Variants in KIF26B observed in about 807,000 individuals in gnomAD.
KIF26B encodes the protein kinesin-like protein KIF26B.
KIF26B carries 63 observed loss-of-function variants against 151.2 expected under a neutral mutation model. That is an observed-to-expected ratio of 0.42 (90% CI 0.34 to 0.51). The LOEUF (loss-of-function observed/expected upper bound fraction) is 0.51, where lower values mean the gene tolerates loss of function less well. Among genes scored for constraint, KIF26B ranks in the 20% least tolerant of loss-of-function variants. KIF26B has a pLI of 0.07. For missense variants in KIF26B, 2,813 were observed against 2,913.6 expected (o/e 0.97, Z 0.79); for synonymous variants, 1,357 against 1,262.1 (o/e 1.08, Z -1.59).
At chr1:245,491,138 CT>C (rs71563753) in intron 4 of KIF26B, among the ~76,000 whole-genome samples, 20 of 148,378 alleles carry the variant, frequency 1.3e-4, no homozygotes, top group Middle Eastern at 3.5e-3. Context: ...TTTGTTTATT[CT>C]TTTTTTTTTA....
chr1:245,318,885 GA>G lies in KIF26B; in HGVS notation c.466-47940del, dbSNP rs5782334. On this transcript the variant is annotated intron_variant, in intron 2 of 14. Transcript: ENST00000407071. This position sits in a 1 kb window ranked among gnomAD's most constrained non-coding sequence, Gnocchi z 4.0. The stretch of plus-strand genomic sequence containing the variant: ...ATCAGCCTGAGCCAAGATTGATGAG[GA>G]AAAAAAAACAAAAACCAAAATCTAC... Among the ~76,000 whole-genome samples the G allele has an allele frequency of 6.6e-6, 1 of 150,552 alleles. No homozygotes were observed. The highest frequency in any genetic ancestry group is 1.5e-5 in the Non-Finnish European group (1 of 67,626).
At position 245,540,167 on chromosome 1, in the gene KIF26B, T is replaced by C. The variant is rs966885094; in HGVS notation, c.1167-600T>C. ...CCTCCCTGCACAATATCCTCTTATC[T>C]ACGTAAGCAGCCCATAGCCTCAGCG... On this transcript the variant is annotated intron_variant, in intron 4 of 14. Coordinates refer to ENST00000407071, the MANE Select transcript of KIF26B (RefSeq NM_018012.4). This position sits in a 1 kb window ranked among gnomAD's most constrained non-coding sequence, Gnocchi z 4.6. Among the ~76,000 whole-genome samples the C allele has an allele frequency of 4.6e-5, 7 of 152,274 alleles. No homozygotes were observed. Among genetic ancestry groups the C allele is most frequent in the Non-Finnish European group, 1.0e-4 (7 of 68,010 alleles).
chr1:245,682,194 G>A (rs2044448689), intron 10 of KIF26B, among the ~76,000 whole-genome samples: 5 of 152,270 alleles, frequency 3.3e-5, no homozygotes, highest in South Asian at 2.1e-4. Context: ...GCAGTGAGCC[G>A]AGATCGTGCC....
At chr1:245,378,571 A>G (rs1673329710) in intron 3 of KIF26B, among the ~76,000 whole-genome samples, 1 of 152,216 alleles carries the variant, frequency 6.6e-6, no homozygotes, top group Non-Finnish European at 1.5e-5. Flanking sequence ...TTGTTCCCTC[A>G]GGCTGAATTT....
At chr1:245,313,314 G>C (rs1294316407) in intron 2 of KIF26B, among the ~76,000 whole-genome samples, 1 of 152,222 alleles carries the variant, frequency 6.6e-6, no homozygotes, top group Non-Finnish European at 1.5e-5. Flanking sequence ...TCACTCTCCA[G>C]GGAAGATCTC....
rs112274936 is a variant in KIF26B, at chr1:245,514,245, G to T, written c.1167-26522G>T. On this transcript the variant is annotated intron_variant, in intron 4 of 14. Coordinates refer to ENST00000407071, the MANE Select transcript of KIF26B (RefSeq NM_018012.4). Reference sequence around the variant, plus strand: ...TTGTCAGTTAAAAAATAAAAAATAAGTCCAGGCGCAGTGGCTCACACCTGT... The same window carrying T: ...TTGTCAGTTAAAAAATAAAAAATAATTCCAGGCGCAGTGGCTCACACCTGT... Among the ~76,000 whole-genome samples, 188 of 152,186 alleles carry T rather than the reference G, an allele frequency of 1.2e-3. 1 individual carries two copies. The highest frequency in any genetic ancestry group is 4.2e-3 in the African/African-American group (175 of 41,534).
In KIF26B at chr1:245,358,381, G is replaced by A. The variant is rs895803575; in HGVS notation, c.466-8453G>A. ...TAAAAATACAAAATATTAGCCAGGC[G>A]TGGTGATGGGTGCCTGTAGTCCCAG... On this transcript the variant is annotated intron_variant, in intron 2 of 14. Coordinates refer to ENST00000407071, the MANE Select transcript of KIF26B (RefSeq NM_018012.4). The surrounding 1 kb of genome is among the most constrained non-coding windows in gnomAD (Gnocchi z 4.1). Among the ~76,000 whole-genome samples, 8 of 152,134 alleles carry A rather than the reference G, an allele frequency of 5.3e-5. No individual in the cohort carries two copies. Among genetic ancestry groups the A allele is most frequent in the African/African-American group, 7.2e-5 (3 of 41,446 alleles).
intron 10 of KIF26B, among the ~76,000 whole-genome samples, chr1:245,677,583 C>T (rs1020856789): frequency 6.6e-6 from 1 of 152,238 alleles, no homozygotes; most frequent in Non-Finnish European, 1.5e-5. Context: ...TTCTCTAGTA[C>T]CCCAAAGCAA....
intron 2 of KIF26B, among the ~76,000 whole-genome samples, chr1:245,236,855 G>A (rs1017233707): frequency 6.6e-6 from 1 of 152,370 alleles, no homozygotes; most frequent in East Asian, 1.9e-4. Context: ...GTGGCATGCA[G>A]TAGGTGCCTA....
intron 4 of KIF26B, among the ~76,000 whole-genome samples, chr1:245,443,576 T>TGCGGTCATCTCCCTCACCGTTCACCTAGA (rs1659171639): frequency 9.8e-6 from 1 of 101,844 alleles, no homozygotes; most frequent in Non-Finnish European, 2.1e-5. Context: ...CTGTTCACCC[T>TGCGGTCATCTCCCTCACCGTTCACCTAGA]GCGGTCATCT....
intron 10 of KIF26B, among the ~76,000 whole-genome samples, chr1:245,675,808 T>C (rs2044350594): frequency 6.6e-6 from 1 of 152,102 alleles, no homozygotes; most frequent in African/African-American, 2.4e-5. Flanking sequence ...GTCTTTAAAG[T>C]GTGAGGGGCC....
At chr1:245,169,362 T>TGTGC (rs879260509) in intron 2 of KIF26B, among the ~76,000 whole-genome samples, 63 of 151,090 alleles carry the variant, frequency 4.2e-4, no homozygotes, top group African/African-American at 1.0e-3. Context: ...TGTGTGTGTG[T>TGTGC]GCGCGCAAGC....
intron 3 of KIF26B, among the ~76,000 whole-genome samples, chr1:245,402,187 T>C (rs889418072): frequency 3.9e-5 from 6 of 152,330 alleles, no homozygotes; most frequent in Admixed American, 1.3e-4. Flanking sequence ...AAGGCTTGCA[T>C]AGCTAGTATT....
At chr1:245,582,118 A>G (rs567182564) in intron 5 of KIF26B, among the ~76,000 whole-genome samples, 1 of 152,300 alleles carries the variant, frequency 6.6e-6, no homozygotes, top group African/African-American at 2.4e-5. Flanking sequence ...TGGAAGTCCC[A>G]TCCGTCAGAC....
At position 245,688,504 on chromosome 1, in the gene KIF26B, C is replaced by A. The variant is rs1489813284; in HGVS notation, c.5521C>A (p.Pro1841Thr). 4.0e-6 allele frequency: 6 copies of A among 1,488,934 alleles called. No homozygotes were observed. In the Middle Eastern group the frequency reaches 6.8e-4, roughly 168 times the overall value. The allele number at this position is 1,488,934 out of a possible 1,614,324, so 92.2% of individuals were successfully genotyped here. A position where few individuals can be genotyped will look rare whatever the true frequency, so the allele number is the denominator to read the frequency against. Residue 1841 changes from proline (P) to threonine (T), a missense_variant, in exon 12 of 15, where the codon CCC (proline) becomes ACC (threonine). Around this residue, in one of 3 missense-constraint regions of KIF26B, gnomAD observed 2,060 missense variants for 2,088.6 expected, o/e 0.99. Transcript: ENST00000407071. ...CGGGGGGGCCCTGGCCGAGGACGAG[C>A]CCGCGGCCGCGCACCTGCTCCCGTC... Reference protein sequence around the residue: ...ARGGALAEDEPAAAHLLPSPY... With the variant: ...ARGGALAEDETAAAHLLPSPY...
intron 4 of KIF26B, among the ~76,000 whole-genome samples, chr1:245,440,832 C>A (rs1247875461): frequency 6.6e-6 from 1 of 152,206 alleles, no homozygotes; most frequent in Non-Finnish European, 1.5e-5. Context: ...GCCCCTTGGG[C>A]AAGTCCAGAT....
intron 12 of KIF26B, among the ~76,000 whole-genome samples, chr1:245,690,162 CT>C (rs2044605876): frequency 6.6e-6 from 1 of 152,200 alleles, no homozygotes; most frequent in Non-Finnish European, 1.5e-5. Flanking sequence ...GAAATTACCC[CT>C]GCTCATCCTT....
chr1:245,238,058 C>G (rs1670146966), intron 2 of KIF26B, among the ~76,000 whole-genome samples: 1 of 148,006 alleles, frequency 6.8e-6, no homozygotes, highest in Non-Finnish European at 1.5e-5. Flanking sequence ...TTTGGCCAGG[C>G]ATGCTGGCTC....
chr1:245,303,372 G>C (rs979291426), intron 2 of KIF26B, among the ~76,000 whole-genome samples: 2 of 150,448 alleles, frequency 1.3e-5, no homozygotes, highest in African/African-American at 2.5e-5. Flanking sequence ...CTAATTTTTT[G>C]TATTTTTAGT....
Sources: allele counts gnomAD v4.1 joint callset (sites outside exome capture counted in the v4.1 genomes callset), GRCh38; gene constraint gnomAD v4.1.1; regional missense constraint gnomAD v4.1.1; non-coding constraint Gnocchi (gnomAD v3.1); transcripts MANE v1.5; gene names NCBI Gene and HGNC (gene_info 2026-07-23, HGNC 2026-07-21).